Variants in RIMS2 observed in about 807,000 individuals in gnomAD.
The protein encoded by RIMS2 is regulating synaptic membrane exocytosis protein 2.
In RIMS2, 59 loss-of-function variants were observed where a neutral mutation model predicts 174.4. That is an observed-to-expected ratio of 0.34 (90% CI 0.27 to 0.42). The LOEUF is 0.42. Among genes scored for constraint, RIMS2 ranks in the 10% least tolerant of loss-of-function variants. The pLI, the probability that RIMS2 is intolerant of heterozygous loss-of-function variation, is 1.00. For synonymous variants in RIMS2, 606 were observed against 572.5 expected (o/e 1.06, Z -0.84); for missense variants, 1,620 against 1,666.3 (o/e 0.97, Z 0.48).
intron 19 of RIMS2, among the ~76,000 whole-genome samples, chr8:104,175,604 A>G (rs2098882943): frequency 6.6e-6 from 1 of 152,162 alleles, no homozygotes. Flanking sequence ...TTAAGTTGCA[A>G]TAAGAAACAC....
intron 15 of RIMS2, among the ~76,000 whole-genome samples, chr8:103,961,683 C>G (rs1224996401): frequency 6.6e-6 from 1 of 152,026 alleles, no homozygotes; most frequent in Non-Finnish European, 1.5e-5. Flanking sequence ...GTTCTGATGA[C>G]AATGTTTACA....
chr8:104,235,991 T>C (rs1479657396), intron 19 of RIMS2, among the ~76,000 whole-genome samples: 19 of 151,980 alleles, frequency 1.3e-4, no homozygotes, highest in Admixed American at 1.2e-3. Flanking sequence ...AACAGTACTT[T>C]CCCTTTTGTT....
At chr8:103,753,656 G>C (rs1049639886) in intron 2 of RIMS2, among the ~76,000 whole-genome samples, 1 of 152,080 alleles carries the variant, frequency 6.6e-6, no homozygotes, top group Non-Finnish European at 1.5e-5. Context: ...TTTAGTCTTG[G>C]GAGGGTGTAT....
At chr8:103,766,856 G>T (rs2098178166) in intron 3 of RIMS2, among the ~76,000 whole-genome samples, 1 of 152,192 alleles carries the variant, frequency 6.6e-6, no homozygotes, top group Non-Finnish European at 1.5e-5. Flanking sequence ...AGAAGAGATG[G>T]CTATAGACTC....
At chr8:103,980,622 C>T (rs72683117) in intron 16 of RIMS2, among the ~76,000 whole-genome samples, 19,339 of 152,200 alleles carry the variant, frequency 0.13, 1,708 homozygotes, top group Non-Finnish European at 0.19. Context: ...AAAGCAGGCT[C>T]ATGGAGTCCC....
intron 1 of RIMS2, among the ~76,000 whole-genome samples, chr8:103,519,858 C>G (rs1173233394): frequency 6.6e-6 from 1 of 151,488 alleles, no homozygotes; most frequent in African/African-American, 2.4e-5. Flanking sequence ...CTTAGAAACC[C>G]TGTATTCATC....
chr8:104,199,217 A>G (rs1023405469), intron 19 of RIMS2, among the ~76,000 whole-genome samples: 3 of 151,948 alleles, frequency 2.0e-5, no homozygotes, highest in Non-Finnish European at 4.4e-5. Flanking sequence ...GCCCGCCACC[A>G]CGCCCGGCTA....
At chr8:104,056,097 T>C (rs945886388) in intron 19 of RIMS2, among the ~76,000 whole-genome samples, 3 of 152,170 alleles carry the variant, frequency 2.0e-5, no homozygotes, top group African/African-American at 7.2e-5. Flanking sequence ...CACTTAAACA[T>C]CATTTGACTT....
At chr8:103,811,638 G>T (rs1457489591) in intron 3 of RIMS2, among the ~76,000 whole-genome samples, 2 of 152,228 alleles carry the variant, frequency 1.3e-5, no homozygotes, top group South Asian at 4.2e-4. Context: ...TAGAGACGGG[G>T]TTTCACCATG....
intron 19 of RIMS2, among the ~76,000 whole-genome samples, chr8:104,219,185 T>C (rs73696507): frequency 0.028 from 4,315 of 152,340 alleles, 179 homozygotes; most frequent in African/African-American, 0.09. Context: ...GGATTTAACA[T>C]TGGTATACAG....
At chr8:103,786,679 C>A (rs1163853565) in intron 3 of RIMS2, among the ~76,000 whole-genome samples, 2 of 152,102 alleles carry the variant, frequency 1.3e-5, no homozygotes. Context: ...CTGAGGAGAG[C>A]TTTACTTCCA....
At chr8:103,683,094 T>C (rs1318942157) in intron 1 of RIMS2, among the ~76,000 whole-genome samples, 2 of 152,312 alleles carry the variant, frequency 1.3e-5, no homozygotes. Flanking sequence ...TCTGTTCCAG[T>C]GTTCCTTGGT....
chr8:104,166,011 A>T (rs12550809), intron 19 of RIMS2, among the ~76,000 whole-genome samples: 65,234 of 150,372 alleles, frequency 0.43, 14,659 homozygotes, highest in East Asian at 0.63. Flanking sequence ...ACAAAATGCT[A>T]TAAGATTTCA....
intron 1 of RIMS2, among the ~76,000 whole-genome samples, chr8:103,545,294 T>C (rs907647444): frequency 1.3e-5 from 2 of 151,602 alleles, no homozygotes; most frequent in Admixed American, 6.6e-5. Flanking sequence ...AAAGACCAGC[T>C]CTCTGAAATA....
At chr8:104,239,435 T>C (rs2099275251) in intron 19 of RIMS2, among the ~76,000 whole-genome samples, 2 of 152,086 alleles carry the variant, frequency 1.3e-5, no homozygotes, top group South Asian at 4.1e-4. Flanking sequence ...AAATACCTAA[T>C]ACCAAAATTA....
chr8:104,090,195 G>A (rs2154564547), intron 19 of RIMS2, among the ~76,000 whole-genome samples: 1 of 151,756 alleles, frequency 6.6e-6, no homozygotes, highest in East Asian at 1.9e-4. Context: ...TTATAACGCT[G>A]TGAAAAAAGG....
intron 3 of RIMS2, among the ~76,000 whole-genome samples, chr8:103,808,427 A>G (rs1475821459): frequency 6.6e-6 from 1 of 152,086 alleles, no homozygotes; most frequent in Non-Finnish European, 1.5e-5. Flanking sequence ...GGGTGATCTC[A>G]TCTACTTGCT....
intron 1 of RIMS2, among the ~76,000 whole-genome samples, chr8:103,532,226 T>C (rs1563667928): frequency 6.6e-6 from 1 of 152,158 alleles, no homozygotes; most frequent in Non-Finnish European, 1.5e-5. Flanking sequence ...CACCATAGAA[T>C]TGTGATTTAG....
chr8:104,247,694 G>A (rs1305192601), intron 20 of RIMS2, among the ~76,000 whole-genome samples: 1 of 152,152 alleles, frequency 6.6e-6, no homozygotes, highest in Non-Finnish European at 1.5e-5. Flanking sequence ...TTGTTTGTGT[G>A]TTTGCAGTCG....
Sources: gnomAD v4.1 joint callset for allele counts (sites outside exome capture counted in the v4.1 genomes callset) on GRCh38, gnomAD v4.1.1 for gene constraint, MANE v1.5 for transcripts, NCBI Gene and HGNC (gene_info 2026-07-23, HGNC 2026-07-21) for gene names.